The following PLCE1 variants were observed in gnomAD, a reference collection of about 807,000 sequenced individuals.
PLCE1 encodes the protein phospholipase C epsilon 1, also known as 1-phosphatidylinositol 4,5-bisphosphate phosphodiesterase epsilon-1.
A neutral mutation model predicts 242.8 loss-of-function variants in PLCE1; 119 were observed. The ratio of observed to expected loss-of-function variants is 0.49; its 90% CI spans 0.42 to 0.57. The LOEUF (loss-of-function observed/expected upper bound fraction) is 0.57. Among genes scored for constraint, PLCE1 ranks in the 20% least tolerant of loss-of-function variants. PLCE1 has a pLI of 0.00. For synonymous variants in PLCE1, 945 were observed against 1,017.4 expected, an observed-to-expected ratio of 0.93 and a Z score of 1.35; for missense variants, 2,441 against 2,788.8, an observed-to-expected ratio of 0.88 and a Z score of 2.81.
At position 94,261,479 on chromosome 10, in the gene PLCE1, G is replaced by C. The variant is rs1564839726; in HGVS notation, c.3815-1015G>C. ...TATAAACATTTGTATTCAGGTTTTT[G>C]TGTGGGCATAAGTTTTTCCATCATT... is the stretch of plus-strand genomic sequence containing the variant. On this transcript the variant is annotated intron_variant, in intron 13 of 32. Coordinates refer to ENST00000371380, the MANE Select transcript of PLCE1 (RefSeq NM_016341.4). Among the ~76,000 whole-genome samples, 4 of 152,174 alleles carry C rather than the reference G, an allele frequency of 2.6e-5. No homozygotes were observed. In the South Asian group the frequency reaches 8.3e-4, roughly 31 times the overall value.
At chr10:94,296,950 TG>T (rs2052846277) in intron 23 of PLCE1, among the ~76,000 whole-genome samples, 1 of 152,024 alleles carries the variant, frequency 6.6e-6, no homozygotes, top group African/African-American at 2.4e-5. Flanking sequence ...CTCAGCTCAC[TG>T]CAACCTCCAC....
chr10:94,324,605 T>C (rs1379239975), intron 31 of PLCE1, 38 bp downstream of exon 31: 4 of 1,479,296 alleles, frequency 2.7e-6, no homozygotes, highest in Middle Eastern at 1.7e-4. Context: ...TCTTAAGTTA[T>C]CTGATACCCA....
intron 1 of PLCE1, among the ~76,000 whole-genome samples, chr10:94,025,183 G>A (rs1268673086): frequency 1.3e-5 from 2 of 152,072 alleles, no homozygotes; most frequent in Non-Finnish European, 2.9e-5. Flanking sequence ...GGCAGGAAAA[G>A]GGCAGACTCT....
At chr10:94,093,661 C>G (rs1341694051) in intron 2 of PLCE1, among the ~76,000 whole-genome samples, 1 of 152,206 alleles carries the variant, frequency 6.6e-6, no homozygotes, top group Non-Finnish European at 1.5e-5. Flanking sequence ...CCATTTATCT[C>G]AGGCCTTCTT....
chr10:94,178,310 G>A (rs2048187443), intron 4 of PLCE1, among the ~76,000 whole-genome samples: 3 of 152,088 alleles, frequency 2.0e-5, no homozygotes. Flanking sequence ...CAGACCAGCT[G>A]GTCTGAGGGT....
intron 4 of PLCE1, among the ~76,000 whole-genome samples, chr10:94,213,342 G>A (rs2136968530): frequency 6.6e-6 from 1 of 152,354 alleles, no homozygotes; most frequent in South Asian, 2.1e-4. Flanking sequence ...GTCATGTGAT[G>A]TGGTTTAATC....
intron 4 of PLCE1, among the ~76,000 whole-genome samples, chr10:94,217,689 C>T (rs941960704): frequency 5.9e-5 from 9 of 152,254 alleles, no homozygotes; most frequent in African/African-American, 2.2e-4. Flanking sequence ...AAATATTCTC[C>T]CTAGTTGATT....
intron 4 of PLCE1, among the ~76,000 whole-genome samples, chr10:94,189,809 A>G (rs1174992221): frequency 2.0e-5 from 3 of 152,220 alleles, no homozygotes; most frequent in Non-Finnish European, 2.9e-5. Context: ...TGGAGCACCC[A>G]TGACATCATT....
intron 9 of PLCE1, among the ~76,000 whole-genome samples, chr10:94,253,253 T>G (rs979326040): frequency 6.6e-6 from 1 of 152,210 alleles, no homozygotes. Context: ...CTGCTTCTGG[T>G]GACAGCCTCC....
At chr10:94,145,679 T>C (rs1462908788) in intron 3 of PLCE1, among the ~76,000 whole-genome samples, 3 of 151,962 alleles carry the variant, frequency 2.0e-5, no homozygotes, top group African/African-American at 7.3e-5. Flanking sequence ...TGGCCCCACC[T>C]CCAGGTGGTG....
intron 11 of PLCE1, 29 bp downstream of exon 11, chr10:94,255,078 G>C (rs1179100264): frequency 1.9e-6 from 3 of 1,610,218 alleles, no homozygotes; most frequent in Middle Eastern, 1.7e-4. Flanking sequence ...AAAACAGAAG[G>C]ACCCTTCACA....
chr10:94,222,901 G>A (rs980348175), intron 4 of PLCE1, among the ~76,000 whole-genome samples: 5 of 152,108 alleles, frequency 3.3e-5, no homozygotes, highest in African/African-American at 1.2e-4. Flanking sequence ...GGGAAGCGTG[G>A]GTTTACAAGG....
chr10:94,150,457 G>C (rs1270272895), intron 3 of PLCE1, among the ~76,000 whole-genome samples: 1 of 152,202 alleles, frequency 6.6e-6, no homozygotes, highest in Non-Finnish European at 1.5e-5. Context: ...TTAGCAGGCT[G>C]TTTGAAGAAG....
At chr10:94,264,512 ATTTTTTTT>A (rs59860171) in intron 14 of PLCE1, among the ~76,000 whole-genome samples, 32 of 73,104 alleles carry the variant, frequency 4.4e-4, no homozygotes, top group South Asian at 1.8e-3. Context: ...ACATGATTTG[ATTTTTTTT>A]TTTTTTTTTT....
At chr10:94,270,368 C>T in intron 17 of PLCE1, 118 bp from the exon 18 acceptor site, 1 of 782,658 alleles carries the variant, frequency 1.3e-6, no homozygotes, top group Non-Finnish European at 2.3e-6. Context: ...CGAAAACCAT[C>T]TTTGGCCAGA....
At chr10:94,272,339 G>A (rs961265873) in intron 18 of PLCE1, among the ~76,000 whole-genome samples, 13 of 152,248 alleles carry the variant, frequency 8.5e-5, no homozygotes, top group Admixed American at 1.3e-4. Flanking sequence ...CTACTTGCAC[G>A]TCTGTTTATA....
chr10:94,227,273 T>C (rs997314184), intron 4 of PLCE1, 33 bp from the exon 5 acceptor site: 4 of 1,610,310 alleles, frequency 2.5e-6, no homozygotes, highest in Admixed American at 1.7e-5. Flanking sequence ...TTCTAGGACA[T>C]AATTCCCGTG....
intron 2 of PLCE1, chr10:94,096,455 C>T (rs775104254): frequency 3.3e-5 from 5 of 152,024 alleles, no homozygotes; most frequent in East Asian, 1.9e-4. Context: ...TTCACCTGGT[C>T]GCAGCAAGGA....
At chr10:94,133,324 A>T (rs2046668001) in intron 3 of PLCE1, among the ~76,000 whole-genome samples, 1 of 152,210 alleles carries the variant, frequency 6.6e-6, no homozygotes, top group African/African-American at 2.4e-5. Context: ...TGAACTTCCC[A>T]GCTACTTCCC....
Sources: allele counts gnomAD v4.1 joint callset (sites outside exome capture counted in the v4.1 genomes callset), GRCh38; gene constraint gnomAD v4.1.1; transcripts MANE v1.5; gene names NCBI Gene and HGNC (gene_info 2026-07-23, HGNC 2026-07-21).